SOX6: variants seen among roughly 807,000 people sequenced by gnomAD.
The protein encoded by SOX6 is transcription factor SOX-6.
A neutral mutation model predicts 97.8 loss-of-function variants in SOX6; 11 were observed. That is an observed-to-expected ratio of 0.11 (90% CI 0.07 to 0.19). The LOEUF (loss-of-function observed/expected upper bound fraction) is 0.19, where lower values mean the gene tolerates loss of function less well. Ranked by LOEUF, SOX6 falls within the 10% of genes least tolerant of loss-of-function variation. SOX6 has a pLI of 1.00. For missense variants in SOX6, 810 were observed against 1,039.5 expected (o/e 0.78, Z 3.04); for synonymous variants, 360 against 371.4 (o/e 0.97, Z 0.35).
chr11:16,058,502 T>C (rs775086896), intron 9 of SOX6, among the ~76,000 whole-genome samples: 2 of 152,090 alleles, frequency 1.3e-5, no homozygotes, highest in Non-Finnish European at 2.9e-5. Flanking sequence ...GTAGACTTAT[T>C]GATTTATGGG....
intron 6 of SOX6, among the ~76,000 whole-genome samples, chr11:16,181,681 T>C (rs1851351467): frequency 1.3e-5 from 2 of 151,820 alleles, no homozygotes; most frequent in Non-Finnish European, 1.5e-5. Flanking sequence ...ATTTTTTGAA[T>C]GGTCTCACAT....
chr11:16,644,593 G>C (rs988877026), intron 3 of SOX6, among the ~76,000 whole-genome samples: 1 of 152,146 alleles, frequency 6.6e-6, no homozygotes, highest in Non-Finnish European at 1.5e-5. Context: ...TGGGGGGGTA[G>C]AGATTTAAAC....
At chr11:16,268,344 G>T (rs1854144819) in intron 3 of SOX6, among the ~76,000 whole-genome samples, 1 of 151,076 alleles carries the variant, frequency 6.6e-6, no homozygotes, top group Non-Finnish European at 1.5e-5. Flanking sequence ...AAAAGTTAGA[G>T]ATAGTCAAGC....
At chr11:16,555,482 T>C (rs1474644178) in intron 4 of SOX6, among the ~76,000 whole-genome samples, 2 of 151,682 alleles carry the variant, frequency 1.3e-5, no homozygotes, top group Non-Finnish European at 3.0e-5. Flanking sequence ...TGGGGGTACA[T>C]GTGATATTTT....
intron 9 of SOX6, among the ~76,000 whole-genome samples, chr11:16,069,367 T>C (rs1363265728): frequency 2.6e-5 from 4 of 152,168 alleles, no homozygotes; most frequent in Non-Finnish European, 5.9e-5. Context: ...TACATACTCA[T>C]TTCTCGTTGT....
At chr11:16,356,706 C>T (rs754216629), upstream of SOX6, among the ~76,000 whole-genome samples, 1 of 152,050 alleles carries the variant, frequency 6.6e-6, no homozygotes, top group Non-Finnish European at 1.5e-5. Flanking sequence ...TATAGAGGGG[C>T]CCCTTTTAGG....
intron 1 of SOX6, among the ~76,000 whole-genome samples, chr11:16,343,849 T>C (rs763256483): frequency 2.6e-5 from 4 of 151,888 alleles, no homozygotes; most frequent in Non-Finnish European, 5.9e-5. Context: ...TCACAATTTG[T>C]CTTTTATTTT....
chr11:16,650,650 A>G (rs570426381), intron 3 of SOX6, among the ~76,000 whole-genome samples: 42 of 152,234 alleles, frequency 2.8e-4, no homozygotes, highest in Admixed American at 2.2e-3. Flanking sequence ...AGTTCATAGT[A>G]TTAAATGCCT....
rs1344798504 is a variant in SOX6 at position 16,301,413 on chromosome 11, A to G, written c.445+17033T>C. 2.6e-5 allele frequency among the ~76,000 whole-genome samples: 4 copies of G among 152,312 alleles called. No homozygotes were observed. The East Asian group carries it at 7.7e-4, about 29-fold the overall frequency. ...TATAGTAGAGTATATCTACTATACC[A>G]TAGTTCTCAATTGTTGGTGTGCATC... On this transcript the variant is annotated intron_variant, in intron 3 of 15. Coordinates refer to ENST00000683767, the MANE Select transcript of SOX6 (RefSeq NM_001367873.1).
At chr11:16,075,416 T>C (rs1158466714) in intron 9 of SOX6, among the ~76,000 whole-genome samples, 3 of 152,022 alleles carry the variant, frequency 2.0e-5, no homozygotes, top group Admixed American at 1.3e-4. Context: ...CCAATGTCCA[T>C]CAATAATAAA....
intron 13 of SOX6, among the ~76,000 whole-genome samples, chr11:16,011,958 T>C (rs755097578): frequency 6.6e-6 from 1 of 152,094 alleles, no homozygotes; most frequent in Non-Finnish European, 1.5e-5. Flanking sequence ...TGTATGTACA[T>C]ATTTCCCTTT....
intron 12 of SOX6, among the ~76,000 whole-genome samples, chr11:16,025,651 T>C (rs751817525): frequency 6.6e-6 from 1 of 152,154 alleles, no homozygotes; most frequent in Non-Finnish European, 1.5e-5. Flanking sequence ...ATCAAAGCTA[T>C]ACGAACCAAG....
At chr11:16,578,093 A>G (rs543364447) in intron 4 of SOX6, among the ~76,000 whole-genome samples, 1 of 152,202 alleles carries the variant, frequency 6.6e-6, no homozygotes, top group African/African-American at 2.4e-5. Flanking sequence ...TTAATTTTTT[A>G]TATGGTGTGA....
At chr11:16,279,884 G>C (rs1038005400) in intron 3 of SOX6, among the ~76,000 whole-genome samples, 3 of 151,890 alleles carry the variant, frequency 2.0e-5, no homozygotes, top group African/African-American at 7.3e-5. Flanking sequence ...ATACCAATGA[G>C]GCATACTAAC....
Position 16,068,961 on chromosome 11 carries a change from T to G in SOX6, c.1102-13060A>C, listed in dbSNP as rs377537370. 1.8e-4 allele frequency among the ~76,000 whole-genome samples: 28 copies of G among 152,342 alleles called. 1 individual carries two copies. The South Asian group carries it at 2.5e-3, about 14-fold the overall frequency. ...AGCACCTAACATAATGCCTGACATT[T>G]TCAGAGGTTCTGTTAATGCTGACCA... On this transcript the variant is annotated intron_variant, in intron 9 of 15. Coordinates refer to ENST00000683767, the MANE Select transcript of SOX6 (RefSeq NM_001367873.1).
At chr11:16,118,775 G>T (rs1849417472) in intron 6 of SOX6, among the ~76,000 whole-genome samples, 1 of 152,158 alleles carries the variant, frequency 6.6e-6, no homozygotes, top group South Asian at 2.1e-4. Flanking sequence ...TTAGTAATGG[G>T]AAATAAGTAT....
At chr11:16,216,663 A>G (rs1852383028) in intron 4 of SOX6, among the ~76,000 whole-genome samples, 1 of 151,948 alleles carries the variant, frequency 6.6e-6, no homozygotes, top group South Asian at 2.1e-4. Flanking sequence ...ATGTCATCTC[A>G]TTCAATCATC....
At chr11:16,664,382 G>T (rs1028493722) in intron 3 of SOX6, among the ~76,000 whole-genome samples, 2 of 152,082 alleles carry the variant, frequency 1.3e-5, no homozygotes, top group East Asian at 3.9e-4. Context: ...CTGTACACTT[G>T]GGGGAGAGAC....
intron 4 of SOX6, among the ~76,000 whole-genome samples, chr11:16,539,960 C>T (rs932058223): frequency 1.3e-5 from 2 of 152,206 alleles, no homozygotes; most frequent in African/African-American, 4.8e-5. Context: ...TCCTCCCTAA[C>T]TCATTTTATG....
Sources: allele counts gnomAD v4.1 joint callset (sites outside exome capture counted in the v4.1 genomes callset), GRCh38; gene constraint gnomAD v4.1.1; transcripts MANE v1.5; gene names NCBI Gene and HGNC (gene_info 2026-07-23, HGNC 2026-07-21).